The following RNF150 variants were observed in gnomAD, a reference collection of about 807,000 sequenced individuals.
RNF150 encodes the protein ring finger protein 150.
A neutral mutation model predicts 39.3 loss-of-function variants in RNF150; 24 were observed. The observed-to-expected ratio is 0.61, with a 90% confidence interval of 0.44 to 0.86. The LOEUF is 0.86. Among genes scored for constraint, RNF150 ranks in the 40% least tolerant of loss-of-function variants. RNF150 has a pLI of 0.00. For synonymous variants in RNF150, 255 were observed against 227.3 expected (o/e 1.12, Z -1.10); for missense variants, 502 against 587.8 (o/e 0.85, Z 1.51).
chr4:141,036,022 G>C lies in RNF150; in HGVS notation c.485-68149C>G, dbSNP rs181013605. Among the ~76,000 whole-genome samples the C allele has an allele frequency of 3.0e-4, 45 of 152,236 alleles. No individual in the cohort carries two copies. In the East Asian group the frequency reaches 7.7e-3, roughly 26 times the overall value. On this transcript the variant is annotated intron_variant, in intron 1 of 6. Coordinates refer to ENST00000515673, the MANE Select transcript of RNF150 (RefSeq NM_020724.2). ...ATAAGTTTAGAAAGAAAGAAGGATT[G>C]AGAACCACAGTGGAAAGCCAGGAGG...
intron 1 of RNF150, among the ~76,000 whole-genome samples, chr4:140,994,347 A>G (rs1250374380): frequency 6.6e-6 from 1 of 152,220 alleles, no homozygotes; most frequent in Non-Finnish European, 1.5e-5. Flanking sequence ...GGGGTGCTCA[A>G]AGTCCCAGCC....
At chr4:140,921,885 A>G (rs566520935) in intron 5 of RNF150, among the ~76,000 whole-genome samples, 1 of 152,248 alleles carries the variant, frequency 6.6e-6, no homozygotes, top group South Asian at 2.1e-4. Flanking sequence ...TTATCTGAAT[A>G]GATGCAGAAA....
intron 1 of RNF150, among the ~76,000 whole-genome samples, chr4:141,169,990 C>G (rs550424096): frequency 6.6e-6 from 1 of 152,036 alleles, no homozygotes; most frequent in African/African-American, 2.4e-5. Flanking sequence ...TTCGGAAAAG[C>G]ATTTTAGAAA....
At chr4:140,885,003 T>TC (rs978141142) in intron 6 of RNF150, among the ~76,000 whole-genome samples, 1 of 152,064 alleles carries the variant, frequency 6.6e-6, no homozygotes, top group African/African-American at 2.4e-5. Flanking sequence ...TGTTATTTCT[T>TC]CCAAAGACAA....
At chr4:140,961,806 A>T (rs1398209262) in intron 2 of RNF150, among the ~76,000 whole-genome samples, 1 of 151,970 alleles carries the variant, frequency 6.6e-6, no homozygotes, top group Non-Finnish European at 1.5e-5. Flanking sequence ...AAAAATTTAA[A>T]CCCCATGAAC....
chr4:141,064,459 C>G (rs1004134630), intron 1 of RNF150, among the ~76,000 whole-genome samples: 2 of 152,038 alleles, frequency 1.3e-5, no homozygotes, highest in Non-Finnish European at 2.9e-5. Flanking sequence ...AGCTAATCAC[C>G]AGGCATAGTT....
At chr4:141,014,990 T>C (rs73849462) in intron 1 of RNF150, among the ~76,000 whole-genome samples, 22,863 of 152,184 alleles carry the variant, frequency 0.15, 1,925 homozygotes, top group Middle Eastern at 0.24. Flanking sequence ...TTTAGCTGAT[T>C]TTTTTGACAT....
chr4:140,923,381 C>T (rs1731242574), intron 5 of RNF150, among the ~76,000 whole-genome samples: 1 of 152,230 alleles, frequency 6.6e-6, no homozygotes, highest in African/African-American at 2.4e-5. Flanking sequence ...TGCTCACCAT[C>T]ACTGGCCATC....
intron 2 of RNF150, among the ~76,000 whole-genome samples, chr4:140,959,842 C>T (rs376127161): frequency 7.9e-5 from 12 of 152,090 alleles, no homozygotes; most frequent in East Asian, 5.8e-4. Context: ...GATATGATTG[C>T]GGGAGAGAGG....
At chr4:141,013,210 G>A (rs1298895689) in intron 1 of RNF150, among the ~76,000 whole-genome samples, 1 of 152,156 alleles carries the variant, frequency 6.6e-6, no homozygotes, top group Admixed American at 6.5e-5. Flanking sequence ...TGACAGGTGA[G>A]ATTATGTGAT....
In RNF150 at chr4:141,140,351, C is replaced by T. The variant is rs1402315381; in HGVS notation, c.-6+72443G>A. On this transcript the variant is annotated intron_variant, in intron 1 of 7. Transcript: ENST00000420921. ...ATACAATTTTGACATTTAATTTGGG[C>T]TTCTTTCCTTTTATCATAAACTCTT... Among the ~76,000 whole-genome samples the T allele has an allele frequency of 3.9e-5, 6 of 152,218 alleles. No individual in the cohort carries two copies. In the Middle Eastern group the frequency reaches 0.01, roughly 259 times the overall value.
intron 1 of RNF150, among the ~76,000 whole-genome samples, chr4:141,085,772 T>C (rs1287837501): frequency 3.3e-5 from 5 of 152,282 alleles, no homozygotes; most frequent in Middle Eastern, 3.4e-3. Context: ...AATTCATATA[T>C]GACCAGACTA....
chr4:140,892,515 T>G (rs931117363), intron 6 of RNF150, among the ~76,000 whole-genome samples: 5 of 152,322 alleles, frequency 3.3e-5, no homozygotes, highest in Admixed American at 2.0e-4. Flanking sequence ...ACATTTGAAC[T>G]GTACACAAAT....
At chr4:141,144,606 A>G (rs1385725397) in intron 1 of RNF150, among the ~76,000 whole-genome samples, 2 of 152,106 alleles carry the variant, frequency 1.3e-5, no homozygotes, top group East Asian at 3.8e-4. Context: ...ATGCTCTTAG[A>G]CTTCAGAAAC....
chr4:141,037,294 T>C (rs1255254942), intron 1 of RNF150, among the ~76,000 whole-genome samples: 1 of 152,182 alleles, frequency 6.6e-6, no homozygotes, highest in Non-Finnish European at 1.5e-5. Context: ...CCAGTGTAAA[T>C]TAAACTACCC....
chr4:141,119,238 G>T (rs2111081812), intron 1 of RNF150, among the ~76,000 whole-genome samples: 1 of 152,330 alleles, frequency 6.6e-6, no homozygotes, highest in African/African-American at 2.4e-5. Context: ...TTTGCCGTTT[G>T]CTATTTCCTT....
At chr4:140,940,129 G>A (rs1385078068) in intron 4 of RNF150, among the ~76,000 whole-genome samples, 1 of 152,108 alleles carries the variant, frequency 6.6e-6, no homozygotes, top group Admixed American at 6.6e-5. Flanking sequence ...AGACATTTGG[G>A]CCCTGAAGGA....
intron 1 of RNF150, chr4:141,053,742 C>A: frequency 7.4e-7 from 1 of 1,348,298 alleles, no homozygotes. Flanking sequence ...CTGTGAACAA[C>A]GATAAAAATG....
intron 1 of RNF150, among the ~76,000 whole-genome samples, chr4:141,015,200 C>T (rs6840569): frequency 0.23 from 34,306 of 151,978 alleles, 4,365 homozygotes; most frequent in South Asian, 0.43. Context: ...ATGCTAGTAT[C>T]GTGCAGTTTG....
Sources: gnomAD v4.1 joint callset for allele counts (sites outside exome capture counted in the v4.1 genomes callset) on GRCh38, gnomAD v4.1.1 for gene constraint, MANE v1.5 for transcripts, NCBI Gene and HGNC (gene_info 2026-07-23, HGNC 2026-07-21) for gene names.